Variants in FOXP3 observed in about 807,000 individuals in gnomAD.
FOXP3 encodes the protein forkhead box P3, also known as forkhead box protein P3.
A neutral mutation model predicts 31.2 loss-of-function variants in FOXP3; 5 were observed. The observed-to-expected ratio is 0.16, with a 90% confidence interval of 0.08 to 0.34. FOXP3 has a LOEUF of 0.34. Ranked by LOEUF, FOXP3 falls within the 10% of genes least tolerant of loss-of-function variation. FOXP3 has a pLI of 1.00. For missense variants in FOXP3, 251 were observed against 363.0 expected, an observed-to-expected ratio of 0.69 and a Z score of 2.51; for synonymous variants, 141 against 148.8, an observed-to-expected ratio of 0.95 and a Z score of 0.38.
intron 6 of FOXP3, among the ~76,000 whole-genome samples, chrX:49,256,473 C>T (rs981370653): frequency 9.0e-6 from 1 of 111,353 alleles, no homozygotes; most frequent in East Asian, 2.8e-4. Flanking sequence ...GACACTTAAC[C>T]TCTTTGGCCT....
At position 49,258,404 on chromosome X, in the gene FOXP3, G is replaced by T. The variant is rs2066088699; in HGVS notation, c.102C>A (p.Asp34Glu). Residue 34 changes from aspartate to glutamate, a missense_variant, in exon 2 of 12, where the codon GAC becomes GAA. This residue lies in a region of FOXP3 where 152 missense variants were observed against 188.1 expected (regional missense o/e 0.81). Coordinates refer to ENST00000376207, the MANE Select transcript of FOXP3 (RefSeq NM_014009.4). ...PSWRAAPKAS[D>E]LLGARGPGGT... ...CCCCTGGGCCCCGGGCCCCCAGCAGGTCTGAGGCTTTGGGTGCAGCCCTCC... is the reference window on the plus strand; with the variant it reads ...CCCCTGGGCCCCGGGCCCCCAGCAGTTCTGAGGCTTTGGGTGCAGCCCTCC... 8.5e-7 allele frequency: 1 copy of T among 1,177,104 alleles called. No homozygotes were observed. Among genetic ancestry groups the T allele is most frequent in the Non-Finnish European group, 1.1e-6 (1 of 877,175 alleles).
rs1166741109 is a variant in FOXP3 at position 49,250,813 on chromosome X, G to A, written c.*521C>T. 1 of 231,608 alleles carries A rather than the reference G, an allele frequency of 4.3e-6. No individual in the cohort carries two copies. Among genetic ancestry groups the A allele is most frequent in the Non-Finnish European group, 7.9e-6 (1 of 126,233 alleles). 19.1% of individuals were successfully genotyped at this position (231,608 alleles called of 1,213,427 possible). A position where few individuals can be genotyped will look rare whatever the true frequency, so the allele number is the denominator to read the frequency against. On this transcript the variant is annotated 3_prime_UTR_variant, in exon 12 of 12. Coordinates refer to ENST00000376207, the MANE Select transcript of FOXP3 (RefSeq NM_014009.4). ...TGTTGACAGTGCCCCTGTGGGCCCTGAGGCTGGCTGTGGGTGCGTGCCTTG... is the reference window on the plus strand; with the variant it reads ...TGTTGACAGTGCCCCTGTGGGCCCTAAGGCTGGCTGTGGGTGCGTGCCTTG...
At chrX:49,252,604 AAGG>A (rs2066040917) in intron 10 of FOXP3, among the ~76,000 whole-genome samples, 1 of 109,302 alleles carries the variant, frequency 9.1e-6, no homozygotes, top group Non-Finnish European at 1.9e-5. Flanking sequence ...GGCTGAGATG[AAGG>A]AGTTGGGATG....
intron 1 of FOXP3, among the ~76,000 whole-genome samples, chrX:49,261,888 G>A (rs1400537168): frequency 8.9e-6 from 1 of 111,999 alleles, no homozygotes; most frequent in Admixed American, 9.4e-5. Flanking sequence ...GAGATCTCTG[G>A]TCTTCAATTT....
intron 1 of FOXP3, among the ~76,000 whole-genome samples, chrX:49,259,499 GGCC>G (rs2066097429): frequency 9.1e-6 from 1 of 110,090 alleles, no homozygotes; most frequent in Non-Finnish European, 1.9e-5. Context: ...CCCAATTTCT[GGCC>G]CTCAAGCCTG....
intron 8 of FOXP3, among the ~76,000 whole-genome samples, chrX:49,254,508 A>T (rs2066055354): frequency 8.9e-6 from 1 of 111,988 alleles, no homozygotes; most frequent in African/African-American, 3.3e-5. Context: ...GGAATCCCAC[A>T]AAACAGCATG....
chrX:49,256,220 A>AAGAGAGAGAGAG (rs782303757), intron 6 of FOXP3, among the ~76,000 whole-genome samples: 7 of 67,025 alleles, frequency 1.0e-4, no homozygotes, highest in African/African-American at 4.8e-4. Flanking sequence ...GAGAGAGAGA[A>AAGAGAGAGAGAG]AGAGAGAGAG....
intron 2 of FOXP3, 27 bp from the exon 3 acceptor site, chrX:49,257,795 G>C: frequency 9.2e-7 from 1 of 1,088,364 alleles, no homozygotes; most frequent in Non-Finnish European, 1.2e-6. Context: ...GTGGGTGAGA[G>C]GCCATCCTGA....
At chrX:49,258,015 G>A (rs2066085592) in intron 2 of FOXP3, among the ~76,000 whole-genome samples, 1 of 112,160 alleles carries the variant, frequency 8.9e-6, no homozygotes, top group Non-Finnish European at 1.9e-5. Context: ...GTCACATGGG[G>A]ATGGGGACAC....
chrX:49,260,396 A>G (rs930647389), intron 1 of FOXP3, among the ~76,000 whole-genome samples: 31 of 112,340 alleles, frequency 2.8e-4, no homozygotes, highest in African/African-American at 9.7e-4. Context: ...TTGTTATAGC[A>G]GCCAGAACAA....
chrX:49,263,173 CAA>C (rs72024386), intron 1 of FOXP3, among the ~76,000 whole-genome samples: 11 of 58,959 alleles, frequency 1.9e-4, no homozygotes, highest in African/African-American at 7.4e-4. Flanking sequence ...ACCAGACAAC[CAA>C]AAAAAAAAAA....
At position 49,256,977 on chromosome X, in the gene FOXP3, C is replaced by T; in HGVS notation, c.490G>A (p.Glu164Lys). The change falls in exon 5 of 12, where the codon GAG becomes AAG. Residue 164 changes from glutamate to lysine, a missense_variant. Glu to Lys is a moderately conservative substitution (Grantham distance 56). This residue lies in a region of FOXP3 where 152 missense variants were observed against 188.1 expected (regional missense o/e 0.81). Transcript: ENST00000376207. ...NVASLEWVSR[E>K]PALLCTFPNP... ...GGGAAGGTGCAGAGCAGTGCCGGCT[C>T]CCTGGACACCCATTCCAGGCTGGCC... 8.3e-7 allele frequency: 1 copy of T among 1,210,860 alleles called. No homozygotes were observed. Among genetic ancestry groups the T allele is most frequent in the Non-Finnish European group, 1.1e-6 (1 of 895,202 alleles).
At position 49,251,121 on chromosome X, in the gene FOXP3, C is replaced by T. The variant is rs2066027590; in HGVS notation, c.*213G>A. On this transcript the variant is annotated 3_prime_UTR_variant, in exon 12 of 12. Transcript: ENST00000376207. ...CGGAGGTGGGGGCTGGGGCCAGGACCGGGGCCCCTCTGAGCAGCCTTGGGG... is the reference window on the plus strand; with the variant it reads ...CGGAGGTGGGGGCTGGGGCCAGGACTGGGGCCCCTCTGAGCAGCCTTGGGG... 4.7e-6 allele frequency: 2 copies of T among 429,552 alleles called. No homozygotes were observed. The highest frequency in any genetic ancestry group is 7.5e-6 in the Non-Finnish European group (2 of 265,585). The allele number at this position is 429,552 out of a possible 1,213,427, so 35.4% of individuals were successfully genotyped here.
intron 6 of FOXP3, among the ~76,000 whole-genome samples, chrX:49,256,428 G>A (rs1342499622): frequency 1.8e-5 from 2 of 110,984 alleles, no homozygotes; most frequent in Non-Finnish European, 3.8e-5. Context: ...TCAAATCCCA[G>A]CTCTGTCACT....
At chrX:49,255,834 C>G in intron 6 of FOXP3, 32 bp from the exon 7 acceptor site, 1 of 1,137,055 alleles carries the variant, frequency 8.8e-7, no homozygotes, top group Non-Finnish European at 1.2e-6. Context: ...TGCAGGTGAC[C>G]ACGACAGGCC....
At chrX:49,258,727 T>C (rs1240644207) in intron 1 of FOXP3, among the ~76,000 whole-genome samples, 200 bp from the exon 2 acceptor site, 1 of 110,557 alleles carries the variant, frequency 9.0e-6, no homozygotes, top group Admixed American at 9.5e-5. Context: ...CAGGTACATG[T>C]ACATACCCAC....
chrX:49,257,376 C>A (rs781944242), intron 4 of FOXP3, 51 bp downstream of exon 4: 2 of 1,127,720 alleles, frequency 1.8e-6, no homozygotes, highest in Non-Finnish European at 2.3e-6. Flanking sequence ...AGCCAAGGAT[C>A]TGGGGACTTG....
intron 4 of FOXP3, 151 bp downstream of exon 4, chrX:49,257,276 G>A (rs2066080187): frequency 1.5e-5 from 12 of 786,077 alleles, no homozygotes; most frequent in South Asian, 3.1e-5. Context: ...TGCACCTGAC[G>A]TTTTTTGGAG....
intron 2 of FOXP3, among the ~76,000 whole-genome samples, chrX:49,258,019 G>A (rs1419538128): frequency 1.7e-4 from 19 of 112,212 alleles, no homozygotes; most frequent in Middle Eastern, 4.6e-3. Context: ...CATGGGGATG[G>A]GGACACATAG....
Sources: allele counts gnomAD v4.1 joint callset (sites outside exome capture counted in the v4.1 genomes callset), GRCh38; gene constraint gnomAD v4.1.1; regional missense constraint gnomAD v4.1.1; transcripts MANE v1.5; gene names NCBI Gene and HGNC (gene_info 2026-07-23, HGNC 2026-07-21).